The following FOXP1 variants were observed in gnomAD, a reference collection of about 807,000 sequenced individuals.
The protein encoded by FOXP1 is forkhead box protein P1.
A neutral mutation model predicts 98.2 loss-of-function variants in FOXP1; 15 were observed. The ratio of observed to expected loss-of-function variants is 0.15; its 90% CI spans 0.10 to 0.24. The LOEUF (loss-of-function observed/expected upper bound fraction) is 0.24. Ranked by LOEUF, FOXP1 falls within the 10% of genes least tolerant of loss-of-function variation. FOXP1 has a pLI of 1.00. For missense variants in FOXP1, 633 were observed against 848.5 expected, an observed-to-expected ratio of 0.75 and a Z score of 3.15; for synonymous variants, 371 against 314.5, an observed-to-expected ratio of 1.18 and a Z score of -1.90.
At chr3:70,989,603 G>T (rs964973077) in intron 13 of FOXP1, among the ~76,000 whole-genome samples, 14 of 152,060 alleles carry the variant, frequency 9.2e-5, no homozygotes, top group Non-Finnish European at 4.4e-5. Context: ...TAAAATGTAA[G>T]TATCCTAAGC....
chr3:71,461,348 G>A (rs1327888724), intron 3 of FOXP1, among the ~76,000 whole-genome samples: 1 of 152,090 alleles, frequency 6.6e-6, no homozygotes, highest in Non-Finnish European at 1.5e-5. Flanking sequence ...ACAGATCGAC[G>A]AATTACCCAG....
At chr3:71,441,469 T>C (rs1278814825) in intron 3 of FOXP1, among the ~76,000 whole-genome samples, 2 of 152,240 alleles carry the variant, frequency 1.3e-5, no homozygotes, top group South Asian at 2.1e-4. Context: ...TTGTTTGTTT[T>C]GCTCTTCCTT....
chr3:71,171,285 G>T (rs1041293075), intron 6 of FOXP1, among the ~76,000 whole-genome samples: 8 of 152,058 alleles, frequency 5.3e-5, no homozygotes, highest in African/African-American at 1.9e-4. Flanking sequence ...TAGAAGAAAT[G>T]AAGTCCCCAG....
Position 71,581,598 on chromosome 3 carries a change from G to A in FOXP1, c.-347C>T, listed in dbSNP as rs796972439. On this transcript the variant is annotated 5_prime_UTR_variant, in exon 2 of 21. Coordinates refer to ENST00000649528, the MANE Select transcript of FOXP1 (RefSeq NM_001349338.3). The stretch of plus-strand genomic sequence containing the variant: ...GAGCGCCGCCTTCACGCCCGCGGAG[G>A]AGGCGCCGGCAGCACCATGGTCCCC... 1.4e-5 allele frequency: 14 copies of A among 985,674 alleles called. No homozygotes were observed. The African/African-American group carries it at 1.6e-4, about 11-fold the overall frequency. 61.1% of individuals were successfully genotyped at this position (985,674 alleles called of 1,614,324 possible). A position where few individuals can be genotyped will look rare whatever the true frequency, so the allele number is the denominator to read the frequency against.
rs115404221 is a variant in FOXP1, at chr3:71,356,187, G to A, written c.-73+2963C>T. ...AAAGCAGTTAGTGAATTCTGCTTGC[G>A]AGGCAGGACCATTGTCTGACTAAGT... is the stretch of plus-strand genomic sequence containing the variant. On this transcript the variant is annotated intron_variant, in intron 4 of 20. Coordinates refer to ENST00000649528, the MANE Select transcript of FOXP1 (RefSeq NM_001349338.3). Among the ~76,000 whole-genome samples, 356 of 144,730 alleles carry A rather than the reference G, an allele frequency of 2.5e-3. 3 individuals are homozygous for A. Among genetic ancestry groups the A allele is most frequent in the African/African-American group, 8.8e-3 (343 of 38,872 alleles). 94.9% of individuals were successfully genotyped at this position (144,730 alleles called of 152,430 possible).
At chr3:71,007,737 T>A (rs2042984430) in intron 12 of FOXP1, among the ~76,000 whole-genome samples, 1 of 152,172 alleles carries the variant, frequency 6.6e-6, no homozygotes. Flanking sequence ...AGAGCACACT[T>A]AGTAGTTTCT....
chr3:71,097,929 A>G (rs1469192455), intron 7 of FOXP1, among the ~76,000 whole-genome samples: 2 of 152,162 alleles, frequency 1.3e-5, no homozygotes, highest in African/African-American at 4.8e-5. Context: ...TCAAAAATAT[A>G]AATTTGAAGC....
chr3:71,404,530 C>T (rs2082180954), intron 3 of FOXP1, among the ~76,000 whole-genome samples: 1 of 151,486 alleles, frequency 6.6e-6, no homozygotes, highest in African/African-American at 2.4e-5. Flanking sequence ...TTCTTAGTGA[C>T]ACCTGACCAA....
intron 5 of FOXP1, among the ~76,000 whole-genome samples, chr3:71,271,990 A>G (rs961160564): frequency 1.3e-5 from 2 of 152,230 alleles, no homozygotes; most frequent in African/African-American, 4.8e-5. Context: ...CTTGTACTCA[A>G]AAAAGCTTAA....
chr3:71,281,039 CAAAAAA>C (rs55640213), intron 5 of FOXP1, among the ~76,000 whole-genome samples: 1 of 83,562 alleles, frequency 1.2e-5, no homozygotes, highest in Non-Finnish European at 2.4e-5. Flanking sequence ...CCCTTCTCTA[CAAAAAA>C]AAAAAAAAAA....
intron 3 of FOXP1, among the ~76,000 whole-genome samples, chr3:71,388,381 C>T (rs181118696): frequency 4.6e-5 from 7 of 152,288 alleles, no homozygotes; most frequent in African/African-American, 1.4e-4. Flanking sequence ...GTTTAGTGCA[C>T]GTTCCGCAGC....
chr3:71,301,112 G>A (rs1576855143), intron 4 of FOXP1, among the ~76,000 whole-genome samples: 1 of 152,310 alleles, frequency 6.6e-6, no homozygotes, highest in East Asian at 1.9e-4. Context: ...TTTACTGTAA[G>A]AGGAAATTGG....
chr3:71,433,603 C>T (rs1475778314), intron 3 of FOXP1, among the ~76,000 whole-genome samples: 2 of 152,162 alleles, frequency 1.3e-5, no homozygotes, highest in Non-Finnish European at 2.9e-5. Flanking sequence ...ACATTAAAAA[C>T]GTGCATGCTA....
chr3:70,965,800 T>C, intron 20 of FOXP1, 90 bp downstream of exon 20: 2 of 1,280,612 alleles, frequency 1.6e-6, no homozygotes, highest in Non-Finnish European at 1.1e-6. Context: ...AGAAAAGGTA[T>C]ATAAAGCCCA....
chr3:71,311,816 T>C (rs1382083484), intron 4 of FOXP1, among the ~76,000 whole-genome samples: 1 of 152,180 alleles, frequency 6.6e-6, no homozygotes, highest in Non-Finnish European at 1.5e-5. Context: ...ACCACCAAAG[T>C]GGGAAATGAT....
At chr3:71,546,288 GGC>G (rs1477712323) in intron 2 of FOXP1, among the ~76,000 whole-genome samples, 4 of 151,994 alleles carry the variant, frequency 2.6e-5, no homozygotes, top group African/African-American at 9.7e-5. Context: ...AAGCAGCCAA[GGC>G]TAAAGTTAAC....
intron 3 of FOXP1, among the ~76,000 whole-genome samples, chr3:71,471,380 C>A (rs979943248): frequency 2.0e-5 from 3 of 151,842 alleles, no homozygotes; most frequent in Admixed American, 6.6e-5. Flanking sequence ...AAGAACAGGG[C>A]GAAATAACTG....
At chr3:71,508,136 T>C (rs2041955786) in intron 2 of FOXP1, among the ~76,000 whole-genome samples, 1 of 152,212 alleles carries the variant, frequency 6.6e-6, no homozygotes, top group Non-Finnish European at 1.5e-5. Context: ...TATTAGTATA[T>C]TTATGGCTGC....
intron 6 of FOXP1, among the ~76,000 whole-genome samples, chr3:71,113,638 G>A (rs1200147350): frequency 6.6e-6 from 1 of 151,086 alleles, no homozygotes; most frequent in Non-Finnish European, 1.5e-5. Context: ...GCTTGCACCT[G>A]GGAGGCAGAG....
Sources: gnomAD v4.1 joint callset for allele counts (sites outside exome capture counted in the v4.1 genomes callset) on GRCh38, gnomAD v4.1.1 for gene constraint, MANE v1.5 for transcripts, NCBI Gene and HGNC (gene_info 2026-07-23, HGNC 2026-07-21) for gene names.